The following FGFR2 variants were observed in gnomAD, a reference collection of about 807,000 sequenced individuals.
FGFR2 encodes the protein fibroblast growth factor receptor 2, also known as BEK fibroblast growth factor receptor.
FGFR2 carries 19 observed loss-of-function variants against 95.9 expected under a neutral mutation model. The observed-to-expected ratio is 0.20, with a 90% CI of 0.14 to 0.29. The LOEUF (loss-of-function observed/expected upper bound fraction) is 0.29, where lower values mean the gene tolerates loss of function less well. Among genes scored for constraint, FGFR2 ranks in the 10% least tolerant of loss-of-function variants. The pLI is 1.00. For synonymous variants in FGFR2, 392 were observed against 393.3 expected (o/e 1.00, Z 0.04); for missense variants, 707 against 1,056.9 (o/e 0.67, Z 4.59).
At chr10:121,522,426 T>C (rs544907186) in intron 6 of FGFR2, among the ~76,000 whole-genome samples, 4 of 152,116 alleles carry the variant, frequency 2.6e-5, no homozygotes, top group African/African-American at 9.6e-5. Context: ...GACATGGTGG[T>C]GCATGCCTGT....
intron 6 of FGFR2, among the ~76,000 whole-genome samples, chr10:121,524,099 TATACACACAC>T (rs1437176137): frequency 1.3e-3 from 183 of 137,282 alleles, no homozygotes; most frequent in South Asian, 1.9e-3. Flanking sequence ...CCCGGCTATG[TATACACACAC>T]ACACACACAC....
chr10:121,491,040 T>G (rs1260086904), intron 13 of FGFR2, among the ~76,000 whole-genome samples: 2 of 152,124 alleles, frequency 1.3e-5, no homozygotes, highest in Non-Finnish European at 2.9e-5. Flanking sequence ...ACTCTCCCGG[T>G]GGTGTGCTCC....
At chr10:121,537,688 G>T (rs1294551246) in intron 6 of FGFR2, among the ~76,000 whole-genome samples, 1 of 144,388 alleles carries the variant, frequency 6.9e-6, no homozygotes, top group African/African-American at 2.6e-5. Context: ...TACAGCAGAA[G>T]ATAGCAACCT....
intron 5 of FGFR2, among the ~76,000 whole-genome samples, chr10:121,543,268 G>A (rs544855640): frequency 6.6e-6 from 1 of 152,164 alleles, no homozygotes; most frequent in Non-Finnish European, 1.5e-5. Context: ...CCAGCACTTT[G>A]GGAGGCCGAG....
At chr10:121,559,017 A>G in intron 4 of FGFR2, among the ~76,000 whole-genome samples, 1 of 152,092 alleles carries the variant, frequency 6.6e-6, no homozygotes, top group East Asian at 1.9e-4. Flanking sequence ...AATTAGATCA[A>G]TAATCTAGCA....
intron 9 of FGFR2, among the ~76,000 whole-genome samples, chr10:121,510,296 G>A (rs1183529977): frequency 6.6e-6 from 1 of 152,208 alleles, no homozygotes; most frequent in Non-Finnish European, 1.5e-5. Context: ...CTCTGCTCGA[G>A]AGATCGCATC....
intron 13 of FGFR2, among the ~76,000 whole-genome samples, chr10:121,493,647 T>C (rs989331910): frequency 5.9e-5 from 9 of 152,198 alleles, no homozygotes; most frequent in Admixed American, 5.9e-4. Context: ...CAGGCTTCTA[T>C]TCTCCTCTTC....
rs554755169 is a variant in FGFR2, at chr10:121,551,542, C to T, written c.455-83G>A. The T allele has an allele frequency of 2.0e-4, 256 of 1,279,710 alleles. No homozygotes were observed. The Middle Eastern group carries it at 2.4e-3, about 12-fold the overall frequency. The allele number at this position is 1,279,710 out of a possible 1,614,324, so 79.3% of individuals were successfully genotyped here. A position where few individuals can be genotyped will look rare whatever the true frequency, so the allele number is the denominator to read the frequency against. ...AAACTCCAAACAGGTAAGATCATTT[C>T]GCTTTGCATGTAAATGCTAGGCTAT... is the stretch of plus-strand genomic sequence containing the variant. On this transcript the variant is annotated intron_variant, in intron 4 of 17. Transcript: ENST00000358487.
At position 121,585,008 on chromosome 10, in the gene FGFR2, T is replaced by C. The variant is rs1171473022; in HGVS notation, c.109+8701A>G. 2.0e-5 allele frequency among the ~76,000 whole-genome samples: 3 copies of C among 147,796 alleles called. 1 individual carries two copies. Among genetic ancestry groups the C allele is most frequent in the East Asian group, 2.1e-4 (1 of 4,778 alleles). On this transcript the variant is annotated intron_variant, in intron 2 of 17. Transcript: ENST00000358487. ...AACCGATTCCATAACCCCTCTCCAA[T>C]GTTCTTCGCCGGGCCTAATGGCAAT...
intron 13 of FGFR2, among the ~76,000 whole-genome samples, chr10:121,491,326 T>C (rs533544629): frequency 6.6e-6 from 1 of 152,236 alleles, no homozygotes; most frequent in African/African-American, 2.4e-5. Flanking sequence ...CAAATCCCCG[T>C]CATCCACAGG....
At chr10:121,509,489 TTTTTTTTTTTTTTTTTTTTTG>T (rs1564899212) in intron 9 of FGFR2, among the ~76,000 whole-genome samples, 1 of 100,116 alleles carries the variant, frequency 1.0e-5, no homozygotes, top group Non-Finnish European at 2.0e-5. Flanking sequence ...TTTCTTTTTT[TTTTTTTTTTTTTTTTTTTTTG>T]GTTTGAGACA....
At position 121,564,579 on chromosome 10, in the gene FGFR2, T is replaced by C. The variant is rs1337077719; in HGVS notation, c.377A>G (p.Asp126Gly). The C allele has an allele frequency of 3.1e-6, 5 of 1,613,866 alleles. No individual in the cohort carries two copies. The highest frequency in any genetic ancestry group is 1.1e-5 in the South Asian group (1 of 91,082). ...ETWYFMVNVT[D>G]AISSGDDEDD... Reference sequence around the variant, plus strand: ...CTCATCATCTCCGGATGAGATGGCATCTGTATGCAAAAGAACATATTCCAT... The same window carrying C: ...CTCATCATCTCCGGATGAGATGGCACCTGTATGCAAAAGAACATATTCCAT... The change falls in exon 4 of 18, where the codon GAT (aspartate) becomes GGT (glycine). Residue 126 changes from aspartate to glycine, a missense_variant and splice_region_variant. Around this residue, in one of 7 missense-constraint regions of FGFR2, gnomAD observed 178 missense variants for 194.1 expected, o/e 0.92. Transcript: ENST00000358487.
chr10:121,518,981 TCCAGTGGTGGACAAC>T lies in FGFR2; in HGVS notation c.939+983_939+997del. ...TGCGGATTTTAAAGAACAAAATCAG[TCCAGTGGTGGACAAC>T]GGAAAGACCTGGTGGAGAGAAGGGC... On this transcript the variant is annotated intron_variant, in intron 7 of 17. Transcript: ENST00000358487. This position sits in a 1 kb window ranked among gnomAD's most constrained non-coding sequence, Gnocchi z 4.0. The T allele has an allele frequency of 1.1e-6, 1 of 935,208 alleles. No individual in the cohort carries two copies. The highest frequency in any genetic ancestry group is 2.0e-5 in the Admixed American group (1 of 50,420). The allele number at this position is 935,208 out of a possible 1,614,324, so 57.9% of individuals were successfully genotyped here.
chr10:121,499,342 A>T (rs1432805292), intron 11 of FGFR2, among the ~76,000 whole-genome samples: 2 of 146,244 alleles, frequency 1.4e-5, no homozygotes, highest in Non-Finnish European at 3.0e-5. Context: ...GGTTTCCTTT[A>T]AAAAAAAAAT....
chr10:121,576,231 C>T (rs968366161), intron 2 of FGFR2, among the ~76,000 whole-genome samples: 1 of 152,142 alleles, frequency 6.6e-6, no homozygotes, highest in African/African-American at 2.4e-5. Flanking sequence ...GTTCAGAAAG[C>T]ATTTCCCAAA....
chr10:121,588,410 TAA>T (rs11342368), intron 2 of FGFR2, among the ~76,000 whole-genome samples: 6 of 150,358 alleles, frequency 4.0e-5, no homozygotes, highest in Admixed American at 6.6e-5. Context: ...AAGCTAAATT[TAA>T]AAAAAAAAAG....
At chr10:121,553,168 T>G (rs1426223330) in intron 4 of FGFR2, among the ~76,000 whole-genome samples, 1 of 152,198 alleles carries the variant, frequency 6.6e-6, no homozygotes, top group East Asian at 1.9e-4. Flanking sequence ...CTTATCTAAG[T>G]GTCAAAGTGA....
intron 5 of FGFR2, among the ~76,000 whole-genome samples, chr10:121,541,886 T>C (rs2134663463): frequency 6.6e-6 from 1 of 152,372 alleles, no homozygotes; most frequent in South Asian, 2.1e-4. Context: ...CACATTTTTT[T>C]TGATCTAGTT....
At chr10:121,520,841 T>C (rs1337106275) in intron 6 of FGFR2, among the ~76,000 whole-genome samples, 2 of 152,138 alleles carry the variant, frequency 1.3e-5, no homozygotes, top group Non-Finnish European at 2.9e-5. Context: ...GAGGATTTCA[T>C]CATGTTGCCT....
Sources: gnomAD v4.1 joint callset for allele counts (sites outside exome capture counted in the v4.1 genomes callset) on GRCh38, gnomAD v4.1.1 for gene constraint, gnomAD v4.1.1 regional missense constraint, Gnocchi (gnomAD v3.1) non-coding constraint, MANE v1.5 for transcripts, NCBI Gene and HGNC (gene_info 2026-07-23, HGNC 2026-07-21) for gene names.